Variants in KCTD8 observed in about 807,000 individuals in gnomAD.
The protein encoded by KCTD8 is potassium channel tetramerization domain containing 8.
A neutral mutation model predicts 31.5 loss-of-function variants in KCTD8; 27 were observed. That is an observed-to-expected ratio of 0.86 (90% CI 0.63 to 1.18). KCTD8 has a LOEUF of 1.18. Among genes scored for constraint, KCTD8 ranks in the 50% most tolerant of loss-of-function variants. KCTD8 has a pLI of 0.00. For missense variants in KCTD8, 658 were observed against 647.7 expected (o/e 1.02, Z -0.17); for synonymous variants, 290 against 280.0 (o/e 1.04, Z -0.36).
chr4:44,354,094 GT>G (rs571522209), intron 1 of KCTD8, among the ~76,000 whole-genome samples: 281 of 151,764 alleles, frequency 1.9e-3, no homozygotes, highest in Middle Eastern at 3.4e-3. Flanking sequence ...CTAATGCTTA[GT>G]TTTTTTTGCA....
intron 1 of KCTD8, among the ~76,000 whole-genome samples, chr4:44,372,302 C>T (rs1360301609): frequency 6.6e-6 from 1 of 152,136 alleles, no homozygotes; most frequent in East Asian, 1.9e-4. Context: ...GTAATACAGT[C>T]CTTACACTCG....
At chr4:44,394,032 G>C (rs1289890243) in intron 1 of KCTD8, among the ~76,000 whole-genome samples, 1 of 151,944 alleles carries the variant, frequency 6.6e-6, no homozygotes, top group Non-Finnish European at 1.5e-5. Context: ...CATTCATTCT[G>C]TGTGCTTAGT....
chr4:44,380,123 G>A (rs527870411), intron 1 of KCTD8, among the ~76,000 whole-genome samples: 11 of 151,798 alleles, frequency 7.2e-5, no homozygotes, highest in African/African-American at 2.4e-4. Flanking sequence ...CTATAATTGT[G>A]AGCCTCAAGA....
intron 1 of KCTD8, among the ~76,000 whole-genome samples, chr4:44,316,851 G>A (rs1367579083): frequency 1.4e-5 from 2 of 144,338 alleles, no homozygotes; most frequent in African/African-American, 2.5e-5. Context: ...GGTGGCCGGC[G>A]CCTGTAGTCC....
chr4:44,404,267 T>C (rs1310676655), intron 1 of KCTD8, among the ~76,000 whole-genome samples: 2 of 152,178 alleles, frequency 1.3e-5, no homozygotes, highest in Admixed American at 1.3e-4. Context: ...GGGTGTTTTG[T>C]TGTTGTTGTT....
At chr4:44,393,433 AG>A (rs1258368225) in intron 1 of KCTD8, among the ~76,000 whole-genome samples, 2 of 151,852 alleles carry the variant, frequency 1.3e-5, no homozygotes, top group Non-Finnish European at 2.9e-5. Flanking sequence ...TGGTTGATGA[AG>A]GGAAAAAAAC....
chr4:44,373,330 C>T (rs1275107776), intron 1 of KCTD8, among the ~76,000 whole-genome samples: 1 of 151,342 alleles, frequency 6.6e-6, no homozygotes, highest in Non-Finnish European at 1.5e-5. Flanking sequence ...CACTGCACTC[C>T]AACCTGGTGA....
chr4:44,420,083 C>A (rs567024083), intron 1 of KCTD8, among the ~76,000 whole-genome samples: 1 of 150,218 alleles, frequency 6.7e-6, no homozygotes, highest in South Asian at 2.2e-4. Context: ...TACACAAAAT[C>A]AACAAACTAA....
At chr4:44,377,835 C>T (rs73812261) in intron 1 of KCTD8, among the ~76,000 whole-genome samples, 14,256 of 152,052 alleles carry the variant, frequency 0.094, 1,195 homozygotes, top group African/African-American at 0.2. Flanking sequence ...TGCTATATTA[C>T]GTCTTCTTCT....
intron 1 of KCTD8, among the ~76,000 whole-genome samples, chr4:44,251,801 A>G (rs1715845972): frequency 6.6e-6 from 1 of 151,574 alleles, no homozygotes; most frequent in Non-Finnish European, 1.5e-5. Context: ...AGGATTGAAA[A>G]AAAAATCATG....
intron 1 of KCTD8, among the ~76,000 whole-genome samples, chr4:44,399,196 C>G (rs896688765): frequency 6.6e-6 from 1 of 152,070 alleles, no homozygotes; most frequent in Non-Finnish European, 1.5e-5. Context: ...GAGGTCATTC[C>G]TTTTATCCAT....
intron 1 of KCTD8, among the ~76,000 whole-genome samples, chr4:44,394,249 C>T (rs915865682): frequency 2.0e-5 from 3 of 152,094 alleles, no homozygotes; most frequent in South Asian, 2.1e-4. Flanking sequence ...AGGGGAGTTG[C>T]TACTATGCCC....
chr4:44,377,644 T>G (rs759522024), intron 1 of KCTD8, among the ~76,000 whole-genome samples: 2 of 152,128 alleles, frequency 1.3e-5, no homozygotes, highest in Non-Finnish European at 1.5e-5. Flanking sequence ...CTTGTTTAAG[T>G]CTAAGCACTA....
At chr4:44,336,755 AT>A (rs1423408430) in intron 1 of KCTD8, among the ~76,000 whole-genome samples, 2 of 152,148 alleles carry the variant, frequency 1.3e-5, no homozygotes, top group Non-Finnish European at 2.9e-5. Context: ...GAATTAAAAT[AT>A]CCTGAATAAT....
intron 1 of KCTD8, among the ~76,000 whole-genome samples, chr4:44,232,340 A>G (rs1651040630): frequency 1.3e-5 from 2 of 152,072 alleles, no homozygotes; most frequent in African/African-American, 4.8e-5. Flanking sequence ...TAATGATTAA[A>G]GTGGTTAAAG....
intron 1 of KCTD8, among the ~76,000 whole-genome samples, chr4:44,206,862 A>C (rs1714327940): frequency 6.6e-6 from 1 of 152,218 alleles, no homozygotes. Flanking sequence ...GGATTACATA[A>C]GGTATGCTAT....
At chr4:44,339,457 A>C (rs1321505017) in intron 1 of KCTD8, among the ~76,000 whole-genome samples, 2 of 152,176 alleles carry the variant, frequency 1.3e-5, no homozygotes, top group Non-Finnish European at 2.9e-5. Context: ...CAAAATAAAC[A>C]GGGTCGATTC....
rs1453270299 is a variant in KCTD8, at chr4:44,258,407, A to T, written c.962-83157T>A. Among the ~76,000 whole-genome samples, 4 of 152,062 alleles carry T rather than the reference A, an allele frequency of 2.6e-5. No individual in the cohort carries two copies. In the South Asian group the frequency reaches 6.2e-4, roughly 24 times the overall value. ...AATTACATCTCAATAAAGATGTTTTAAAAATAGAGTGCTAGAAAAGAGTTT... is the reference window on the plus strand; with the variant it reads ...AATTACATCTCAATAAAGATGTTTTTAAAATAGAGTGCTAGAAAAGAGTTT... On this transcript the variant is annotated intron_variant, in intron 1 of 1. Coordinates refer to ENST00000360029, the MANE Select transcript of KCTD8 (RefSeq NM_198353.3).
chr4:44,442,774 T>TACAC (rs1553908576), intron 1 of KCTD8, among the ~76,000 whole-genome samples: 21 of 147,340 alleles, frequency 1.4e-4, no homozygotes, highest in African/African-American at 5.0e-4. Flanking sequence ...AACTAAGGTA[T>TACAC]ACACACACAC....
Sources: allele counts gnomAD v4.1 joint callset (sites outside exome capture counted in the v4.1 genomes callset), GRCh38; gene constraint gnomAD v4.1.1; transcripts MANE v1.5; gene names NCBI Gene and HGNC (gene_info 2026-07-23, HGNC 2026-07-21).